TENM2: variants seen among roughly 807,000 people sequenced by gnomAD.
The protein encoded by TENM2 is teneurin transmembrane protein 2, also known as teneurin-2.
TENM2 carries 52 observed loss-of-function variants against 245.2 expected under a neutral mutation model. That is an observed-to-expected ratio of 0.21 (90% CI 0.17 to 0.27). The LOEUF (loss-of-function observed/expected upper bound fraction) is 0.27. TENM2 is among the 10% of genes least tolerant of loss of function. The pLI is 1.00. For synonymous variants in TENM2, 1,363 were observed against 1,438.9 expected, an observed-to-expected ratio of 0.95 and a Z score of 1.19; for missense variants, 3,046 against 3,666.8, an observed-to-expected ratio of 0.83 and a Z score of 4.37.
At chr5:167,328,769 C>T (rs190380157) in intron 1 of TENM2, among the ~76,000 whole-genome samples, 213 of 152,230 alleles carry the variant, frequency 1.4e-3, no homozygotes, top group African/African-American at 4.9e-3. Context: ...GAGGTCTTCC[C>T]TAGTCACTTA....
At chr5:167,389,835 G>A (rs147557971) in intron 2 of TENM2, among the ~76,000 whole-genome samples, 90 of 152,230 alleles carry the variant, frequency 5.9e-4, no homozygotes, top group African/African-American at 1.9e-3. Flanking sequence ...ACCAAATTAC[G>A]GATCGAAATA....
At chr5:167,793,304 A>G (rs1426028793) in intron 2 of TENM2, among the ~76,000 whole-genome samples, 3 of 152,150 alleles carry the variant, frequency 2.0e-5, no homozygotes. Context: ...AATGGGTTAT[A>G]ATAATAATAG....
chr5:168,115,992 A>T (rs568096924), intron 9 of TENM2, among the ~76,000 whole-genome samples: 2 of 152,282 alleles, frequency 1.3e-5, no homozygotes, highest in Admixed American at 1.3e-4. Context: ...TCTCAGGAGG[A>T]ACTGGCATGG....
intron 1 of TENM2, among the ~76,000 whole-genome samples, chr5:167,326,858 A>C (rs1037758711): frequency 2.0e-5 from 3 of 151,716 alleles, no homozygotes; most frequent in African/African-American, 7.3e-5. Context: ...GAAAGATACA[A>C]TACTGATGAA....
At chr5:168,183,192 G>A (rs543382482) in intron 13 of TENM2, among the ~76,000 whole-genome samples, 8 of 152,124 alleles carry the variant, frequency 5.3e-5, no homozygotes, top group Non-Finnish European at 1.0e-4. Context: ...GGGTCAATAA[G>A]ATGCCCCAAA....
chr5:167,615,674 A>C (rs1043281233), intron 2 of TENM2, among the ~76,000 whole-genome samples: 6 of 152,080 alleles, frequency 3.9e-5, no homozygotes, highest in African/African-American at 1.4e-4. Flanking sequence ...TTCAATAAAC[A>C]GTCAGAATAT....
intron 2 of TENM2, among the ~76,000 whole-genome samples, chr5:167,392,473 C>G (rs1049939895): frequency 9.2e-5 from 14 of 152,160 alleles, no homozygotes; most frequent in Admixed American, 8.5e-4. Flanking sequence ...TGAGTTTACT[C>G]TGGCTGATTG....
chr5:167,787,311 T>G (rs987729549), intron 2 of TENM2, among the ~76,000 whole-genome samples: 4 of 152,228 alleles, frequency 2.6e-5, no homozygotes, highest in Admixed American at 2.6e-4. Context: ...GAAAATCACT[T>G]AGCAAGTAAT....
At chr5:167,803,930 AT>A (rs1326102094) in intron 2 of TENM2, among the ~76,000 whole-genome samples, 2 of 152,070 alleles carry the variant, frequency 1.3e-5, no homozygotes, top group East Asian at 3.9e-4. Flanking sequence ...AAATTGGCTG[AT>A]ATTGGTTGAG....
chr5:167,412,685 A>G (rs540456714), intron 2 of TENM2, among the ~76,000 whole-genome samples: 3 of 152,240 alleles, frequency 2.0e-5, no homozygotes, highest in South Asian at 2.1e-4. Flanking sequence ...GTATTTCCCA[A>G]TGGTTTGAAA....
intron 2 of TENM2, among the ~76,000 whole-genome samples, chr5:167,418,412 T>C (rs1226106126): frequency 6.6e-6 from 1 of 152,138 alleles, no homozygotes; most frequent in Non-Finnish European, 1.5e-5. Flanking sequence ...CTAATGAAGG[T>C]GGACATTCAA....
the TENM2 span, chr5:167,116,807 C>T: frequency 6.6e-6 from 1 of 152,124 alleles, no homozygotes; most frequent in Non-Finnish European, 1.5e-5. Flanking sequence ...ATTAGCCTGA[C>T]ATTAGAAGAC....
chr5:168,087,109 G>T lies in TENM2; in HGVS notation c.1516-3465G>T, dbSNP rs1340531862. Among the ~76,000 whole-genome samples the T allele has an allele frequency of 3.3e-5, 5 of 152,348 alleles. No homozygotes were observed. The East Asian group carries it at 9.6e-4, about 29-fold the overall frequency. ...ATAGCAGCAGTGAATGATGCTGTGTGATGCTGCTTGACACGTGTTAATCTA... is the reference window on the plus strand; with the variant it reads ...ATAGCAGCAGTGAATGATGCTGTGTTATGCTGCTTGACACGTGTTAATCTA... On this transcript the variant is annotated intron_variant, in intron 7 of 28. Coordinates refer to ENST00000518659, the Ensembl canonical transcript of TENM2.
At chr5:167,713,674 A>G (rs1212227482) in intron 2 of TENM2, among the ~76,000 whole-genome samples, 1 of 152,198 alleles carries the variant, frequency 6.6e-6, no homozygotes, top group Non-Finnish European at 1.5e-5. Context: ...ACATGTGTTT[A>G]TACACATATG....
At chr5:167,173,938 C>G in the TENM2 span, among the ~76,000 whole-genome samples, 4 of 151,968 alleles carry the variant, frequency 2.6e-5, no homozygotes, top group Non-Finnish European at 4.4e-5. Context: ...ACATCTTAAT[C>G]TTTTAAAATG....
At chr5:167,308,390 C>CA (rs1200501183) in intron 1 of TENM2, among the ~76,000 whole-genome samples, 1 of 152,114 alleles carries the variant, frequency 6.6e-6, no homozygotes, top group East Asian at 1.9e-4. Flanking sequence ...TCATTGATGA[C>CA]AAAATACGTT....
chr5:167,589,302 G>A (rs1214450945), intron 2 of TENM2, among the ~76,000 whole-genome samples: 2 of 152,050 alleles, frequency 1.3e-5, no homozygotes, highest in Non-Finnish European at 2.9e-5. Context: ...TCTCTGTTCA[G>A]TGTTCCCTTA....
chr5:167,839,849 C>CT (rs902774283), intron 2 of TENM2, among the ~76,000 whole-genome samples: 3 of 152,044 alleles, frequency 2.0e-5, no homozygotes, highest in South Asian at 2.1e-4. Context: ...TGGAATTTTG[C>CT]TTTTTTTGTA....
intron 1 of TENM2, among the ~76,000 whole-genome samples, chr5:167,360,012 T>C (rs773897829): frequency 1.3e-5 from 2 of 151,916 alleles, no homozygotes; most frequent in Admixed American, 6.6e-5. Context: ...GACACTGGGG[T>C]CTACCTCAGG....
Sources: gnomAD v4.1 joint callset for allele counts (sites outside exome capture counted in the v4.1 genomes callset) on GRCh38, gnomAD v4.1.1 for gene constraint, MANE v1.5 for transcripts, NCBI Gene and HGNC (gene_info 2026-07-23, HGNC 2026-07-21) for gene names.